KCNMB2: variants seen among roughly 807,000 people sequenced by gnomAD.
KCNMB2 encodes calcium-activated potassium channel subunit beta-2.
KCNMB2 carries 9 observed loss-of-function variants against 24.5 expected under a neutral mutation model. The ratio of observed to expected loss-of-function variants is 0.37; its 90% CI spans 0.22 to 0.64. KCNMB2 has a LOEUF of 0.64. KCNMB2 is among the 30% of genes least tolerant of loss of function. The pLI, the probability that KCNMB2 is intolerant of heterozygous loss-of-function variation, is 0.63. For synonymous variants in KCNMB2, 109 were observed against 104.4 expected, an observed-to-expected ratio of 1.04 and a Z score of -0.27; for missense variants, 226 against 284.3, an observed-to-expected ratio of 0.79 and a Z score of 1.47.
At chr3:178,633,385 C>T (rs1292407739) in intron 1 of KCNMB2, among the ~76,000 whole-genome samples, 1 of 152,228 alleles carries the variant, frequency 6.6e-6, no homozygotes, top group African/African-American at 2.4e-5. Context: ...TTCCTATAAA[C>T]CCTCTGAAAT....
At chr3:178,556,619 GT>G (rs772605724) in intron 1 of KCNMB2, among the ~76,000 whole-genome samples, 44 of 152,068 alleles carry the variant, frequency 2.9e-4, no homozygotes, top group Non-Finnish European at 5.6e-4. Context: ...GTTGGTCAGA[GT>G]GGTCTTGAAC....
chr3:178,636,353 C>G (rs552341204), intron 1 of KCNMB2, among the ~76,000 whole-genome samples: 2 of 152,090 alleles, frequency 1.3e-5, no homozygotes, highest in Non-Finnish European at 2.9e-5. Flanking sequence ...CACTAAAGAA[C>G]TTACTCATGT....
intron 1 of KCNMB2, among the ~76,000 whole-genome samples, chr3:178,747,762 T>C (rs887077807): frequency 6.6e-6 from 1 of 152,246 alleles, no homozygotes; most frequent in Non-Finnish European, 1.5e-5. Context: ...CCAAGACTTC[T>C]CTTGGTCCTG....
Position 178,822,174 on chromosome 3 carries a change from G to A in KCNMB2, c.57-3414G>A, listed in dbSNP as rs148364203. On this transcript the variant is annotated intron_variant, in intron 2 of 4. Transcript: ENST00000452583. ...GCATCTCAGTAATATTAAAACAGTTGTAGTTTCTGATATTCACCATGCAAT... is the reference window on the plus strand; with the variant it reads ...GCATCTCAGTAATATTAAAACAGTTATAGTTTCTGATATTCACCATGCAAT... 1.6e-3 allele frequency among the ~76,000 whole-genome samples: 240 copies of A among 152,292 alleles called. 1 individual carries two copies. Among genetic ancestry groups the A allele is most frequent in the African/African-American group, 5.5e-3 (228 of 41,560 alleles).
At chr3:178,704,150 G>A (rs1289355916) in intron 1 of KCNMB2, among the ~76,000 whole-genome samples, 2 of 151,998 alleles carry the variant, frequency 1.3e-5, no homozygotes, top group East Asian at 3.9e-4. Context: ...AAAACAACCA[G>A]GTTTCAAGTG....
chr3:178,826,217 G>A (rs555733404), intron 3 of KCNMB2, among the ~76,000 whole-genome samples: 11 of 151,442 alleles, frequency 7.3e-5, no homozygotes, highest in Non-Finnish European at 1.5e-4. Flanking sequence ...CACCTTCCAC[G>A]TGAGTGGTTC....
chr3:178,543,924 C>T (rs774277127), intron 1 of KCNMB2, among the ~76,000 whole-genome samples: 7 of 152,120 alleles, frequency 4.6e-5, no homozygotes, highest in African/African-American at 1.2e-4. Context: ...AATTCTACCA[C>T]GGTCCTTAAT....
chr3:178,836,420 C>G (rs1474840637), intron 4 of KCNMB2, among the ~76,000 whole-genome samples: 1 of 152,130 alleles, frequency 6.6e-6, no homozygotes, highest in East Asian at 1.9e-4. Flanking sequence ...AAGACATTGA[C>G]AGGACCCAAG....
chr3:178,718,683 T>C (rs1335934975), intron 1 of KCNMB2, among the ~76,000 whole-genome samples: 4 of 152,216 alleles, frequency 2.6e-5, no homozygotes, highest in African/African-American at 9.6e-5. Context: ...TGAGTCGGGA[T>C]AGAGCTGGGG....
chr3:178,834,961 G>A (rs1201731727), intron 4 of KCNMB2, among the ~76,000 whole-genome samples: 1 of 151,924 alleles, frequency 6.6e-6, no homozygotes, highest in Non-Finnish European at 1.5e-5. Flanking sequence ...GAGGGCCATG[G>A]TGAAGATTCA....
At chr3:178,709,621 AAT>A (rs1722387097) in intron 1 of KCNMB2, among the ~76,000 whole-genome samples, 1 of 152,196 alleles carries the variant, frequency 6.6e-6, no homozygotes, top group Non-Finnish European at 1.5e-5. Context: ...TAAATTGCAG[AAT>A]ATTATGCAGA....
intron 1 of KCNMB2, among the ~76,000 whole-genome samples, chr3:178,802,388 T>C (rs1228272100): frequency 6.6e-6 from 1 of 152,120 alleles, no homozygotes; most frequent in Non-Finnish European, 1.5e-5. Flanking sequence ...TCAGGGCCAC[T>C]GACACTAGAA....
intron 1 of KCNMB2, among the ~76,000 whole-genome samples, chr3:178,629,021 A>G (rs560894538): frequency 1.3e-5 from 2 of 152,238 alleles, no homozygotes; most frequent in Non-Finnish European, 2.9e-5. Context: ...TAACTACTCA[A>G]TTTAATGTAC....
intron 1 of KCNMB2, among the ~76,000 whole-genome samples, chr3:178,595,395 T>A (rs1449912272): frequency 1.3e-5 from 2 of 152,086 alleles, no homozygotes; most frequent in Non-Finnish European, 2.9e-5. Context: ...GCCACCTTTC[T>A]GAAAAGCCCG....
At chr3:178,719,123 AC>A (rs1722715335) in intron 1 of KCNMB2, among the ~76,000 whole-genome samples, 1 of 152,200 alleles carries the variant, frequency 6.6e-6, no homozygotes, top group Non-Finnish European at 1.5e-5. Flanking sequence ...ACAACATTTT[AC>A]AGCTTAGCCC....
chr3:178,767,566 T>C (rs959149410), intron 1 of KCNMB2, among the ~76,000 whole-genome samples: 1 of 152,204 alleles, frequency 6.6e-6, no homozygotes, highest in Non-Finnish European at 1.5e-5. Flanking sequence ...AAGATGTTGT[T>C]GCAAAAAGAA....
intron 1 of KCNMB2, among the ~76,000 whole-genome samples, chr3:178,627,211 T>C (rs1016220850): frequency 2.6e-5 from 4 of 152,192 alleles, no homozygotes; most frequent in Non-Finnish European, 4.4e-5. Context: ...AATTCTTTAA[T>C]TTCATTCATG....
At chr3:178,719,475 T>C (rs1722724839) in intron 1 of KCNMB2, among the ~76,000 whole-genome samples, 2 of 152,252 alleles carry the variant, frequency 1.3e-5, no homozygotes, top group Admixed American at 1.3e-4. Context: ...TCAGAAGTGA[T>C]TAACCCTGTT....
intron 1 of KCNMB2, among the ~76,000 whole-genome samples, chr3:178,589,823 T>C (rs1176506563): frequency 1.3e-5 from 2 of 152,140 alleles, no homozygotes; most frequent in Non-Finnish European, 1.5e-5. Context: ...TTTTAAAACT[T>C]TGGACGCAGA....
Sources: gnomAD v4.1 joint callset for allele counts (sites outside exome capture counted in the v4.1 genomes callset) on GRCh38, gnomAD v4.1.1 for gene constraint, MANE v1.5 for transcripts, NCBI Gene and HGNC (gene_info 2026-07-23, HGNC 2026-07-21) for gene names.